FAH: variants seen among roughly 807,000 people sequenced by gnomAD.
FAH encodes fumarylacetoacetase.
A neutral mutation model predicts 55.8 loss-of-function variants in FAH; 47 were observed. The observed-to-expected ratio is 0.84, with a 90% CI of 0.67 to 1.07. The LOEUF (loss-of-function observed/expected upper bound fraction) is 1.07, where lower values mean the gene tolerates loss of function less well. Among genes scored for constraint, FAH ranks in the 50% least tolerant of loss-of-function variants. The pLI is 0.00. For missense variants in FAH, 495 were observed against 545.9 expected (o/e 0.91, Z 0.93); for synonymous variants, 199 against 207.7 (o/e 0.96, Z 0.36).
At chr15:80,169,446 G>GTT (rs1266863701) in intron 7 of FAH, among the ~76,000 whole-genome samples, 2 of 152,188 alleles carry the variant, frequency 1.3e-5, no homozygotes, top group Non-Finnish European at 2.9e-5. Flanking sequence ...AGAGTCAAGT[G>GTT]TATCAGCCCC....
At chr15:80,162,722 G>A (rs1013081241) in intron 5 of FAH, 8 of 320,530 alleles carry the variant, frequency 2.5e-5, no homozygotes, top group Non-Finnish European at 4.9e-5. Context: ...GCCCAGTGCT[G>A]TATATTCCTC....
chr15:80,168,801 C>T (rs1300377801), intron 7 of FAH, among the ~76,000 whole-genome samples: 1 of 152,120 alleles, frequency 6.6e-6, no homozygotes, highest in African/African-American at 2.4e-5. Flanking sequence ...CGTCTAGTGT[C>T]CCTAGCACAG....
At chr15:80,181,262 G>T (rs554609724) in intron 13 of FAH, 103 bp downstream of exon 13, 4 of 783,466 alleles carry the variant, frequency 5.1e-6, no homozygotes, top group Non-Finnish European at 9.0e-6. Context: ...CTGTTCTCAC[G>T]CATCCTGACT....
At chr15:80,186,494 C>G (rs2041372715), downstream of FAH, 1 of 490,400 alleles carries the variant, frequency 2.0e-6, no homozygotes, top group African/African-American at 1.9e-5. Context: ...TTAGACATCC[C>G]AGGCCTCCTG....
chr15:80,170,189 T>C (rs561566320), intron 7 of FAH, among the ~76,000 whole-genome samples: 8 of 152,342 alleles, frequency 5.3e-5, no homozygotes, highest in African/African-American at 1.9e-4. Context: ...ATGCCCAAGG[T>C]TGGAGTCAGT....
chr15:80,158,139 T>G lies in FAH; in HGVS notation c.161T>G (p.Val54Gly), dbSNP rs201341354. 6.2e-7 allele frequency: 1 copy of G among 1,614,028 alleles called. No homozygotes were observed. The highest frequency in any genetic ancestry group is 2.2e-5 in the East Asian group (1 of 44,874). ...ATCAAGCACCTCTTTACTGGTCCTG[T>G]CCTCTCCAAACACCAGGATGTCTTC... is the stretch of plus-strand genomic sequence containing the variant. ...SIIKHLFTGP[V>G]LSKHQDVFNQ... Residue 54 changes from valine to glycine, a missense_variant, in exon 2 of 14, where the codon GTC becomes GGC. Coordinates refer to ENST00000561421, the MANE Select transcript of FAH (RefSeq NM_000137.4).
In FAH at chr15:80,172,960, T is replaced by A. The variant is rs982400572; in HGVS notation, c.707-54T>A. On this transcript the variant is annotated intron_variant, in intron 8 of 13. Transcript: ENST00000561421. ...TTGGTCAAGGGCAGGAGGGGGTCGT[T>A]GGGAGATGCCCTGATCAGCCTTTGT... The A allele has an allele frequency of 8.7e-6, 14 of 1,613,678 alleles. 1 individual carries two copies. In the African/African-American group the frequency reaches 1.3e-4, roughly 15 times the overall value.
At chr15:80,174,495 G>A (rs370198446) in intron 9 of FAH, among the ~76,000 whole-genome samples, 28 of 152,158 alleles carry the variant, frequency 1.8e-4, no homozygotes, top group African/African-American at 5.6e-4. Flanking sequence ...CTCATGTCCC[G>A]TGGGTGACTC....
Position 80,175,009 on chromosome 15 carries a change from C to G in FAH, c.838-7C>G. 1 of 1,613,930 alleles carries G rather than the reference C, an allele frequency of 6.2e-7. No individual in the cohort carries two copies. Reference sequence around the variant, plus strand: ...AGTGACCTCTGTGCTGTGCTTTGCCCTCTCAGGACCCCAGGCCCCTGCCGT... The same window carrying G: ...AGTGACCTCTGTGCTGTGCTTTGCCGTCTCAGGACCCCAGGCCCCTGCCGT... On this transcript the variant is annotated splice_polypyrimidine_tract_variant and splice_region_variant and intron_variant, in intron 9 of 13. Transcript: ENST00000561421.
At chr15:80,182,466 A>C (rs2041339464) in intron 13 of FAH, among the ~76,000 whole-genome samples, 1 of 152,208 alleles carries the variant, frequency 6.6e-6, no homozygotes, top group Admixed American at 6.5e-5. Context: ...ATGCAGGCAG[A>C]GCTCAAAACA....
At chr15:80,160,384 T>C (rs2142092538) in intron 3 of FAH, 26 bp from the exon 4 acceptor site, 1 of 1,613,928 alleles carries the variant, frequency 6.2e-7, no homozygotes, top group East Asian at 2.2e-5. Context: ...CTACTTGACT[T>C]TGAAGCCCCT....
intron 13 of FAH, among the ~76,000 whole-genome samples, chr15:80,182,205 C>T (rs2041336979): frequency 6.6e-6 from 1 of 152,160 alleles, no homozygotes; most frequent in Non-Finnish European, 1.5e-5. Flanking sequence ...CTTTACCTCT[C>T]TCTTATAACA....
At chr15:80,174,583 G>C (rs2041267096) in intron 9 of FAH, among the ~76,000 whole-genome samples, 1 of 152,162 alleles carries the variant, frequency 6.6e-6, no homozygotes, top group South Asian at 2.1e-4. Context: ...TGCCTCCCTA[G>C]CTGGCTCCAG....
At chr15:80,166,635 CTTTTTT>C (rs768001652) in intron 5 of FAH, among the ~76,000 whole-genome samples, 1 of 118,338 alleles carries the variant, frequency 8.5e-6, no homozygotes, top group African/African-American at 3.2e-5. Context: ...TTTGCATTTT[CTTTTTT>C]TTTTTTTTTT....
At chr15:80,171,602 G>A (rs963742219) in intron 7 of FAH, among the ~76,000 whole-genome samples, 6 of 152,000 alleles carry the variant, frequency 3.9e-5, no homozygotes, top group African/African-American at 1.5e-4. Context: ...CTGGGACTGC[G>A]GACATGTGCC....
At chr15:80,164,193 G>C (rs538250476) in intron 5 of FAH, among the ~76,000 whole-genome samples, 47 of 152,324 alleles carry the variant, frequency 3.1e-4, no homozygotes, top group African/African-American at 1.1e-3. Flanking sequence ...GGTGTCAGCA[G>C]GGCTGGTTCC....
chr15:80,160,342 C>T, intron 3 of FAH, 68 bp from the exon 4 acceptor site: 1 of 1,502,614 alleles, frequency 6.7e-7, no homozygotes, highest in South Asian at 1.1e-5. Flanking sequence ...ATGGTCTGGG[C>T]TGAGCCCGTG....
chr15:80,164,105 G>C (rs1350793578), intron 5 of FAH, among the ~76,000 whole-genome samples: 1 of 152,172 alleles, frequency 6.6e-6, no homozygotes, highest in Non-Finnish European at 1.5e-5. Context: ...CACAAACTTG[G>C]TGGCTTAAAA....
chr15:80,162,770 T>C (rs1288694222), intron 5 of FAH: 1 of 266,154 alleles, frequency 3.8e-6, no homozygotes, highest in African/African-American at 2.2e-5. Context: ...TTGATCCTCG[T>C]AGTAGTTCTC....
Sources: gnomAD v4.1 joint callset for allele counts (sites outside exome capture counted in the v4.1 genomes callset) on GRCh38, gnomAD v4.1.1 for gene constraint, MANE v1.5 for transcripts, NCBI Gene and HGNC (gene_info 2026-07-23, HGNC 2026-07-21) for gene names.